SLC18A2: variants seen among roughly 807,000 people sequenced by gnomAD.
The protein encoded by SLC18A2 is solute carrier family 18 member A2, also known as synaptic vesicular amine transporter.
In SLC18A2, 33 loss-of-function variants were observed where a neutral mutation model predicts 59.2. That is an observed-to-expected ratio of 0.56 (90% confidence interval 0.42 to 0.75). The LOEUF (loss-of-function observed/expected upper bound fraction) is 0.75. SLC18A2 is among the 30% of genes least tolerant of loss of function. SLC18A2 has a pLI of 0.00. For missense variants in SLC18A2, 569 were observed against 668.6 expected, an observed-to-expected ratio of 0.85 and a Z score of 1.64; for synonymous variants, 228 against 253.5, an observed-to-expected ratio of 0.90 and a Z score of 0.95.
intron 6 of SLC18A2, 134 bp downstream of exon 6, chr10:117,254,631 G>A (rs1844205298): frequency 4.0e-6 from 2 of 499,632 alleles, no homozygotes; most frequent in Non-Finnish European, 6.8e-6. Flanking sequence ...TTCCTTTCCT[G>A]CTTTCATGGA....
intron 2 of SLC18A2, among the ~76,000 whole-genome samples, chr10:117,243,206 A>C (rs1381783461): frequency 6.6e-6 from 1 of 152,222 alleles, no homozygotes; most frequent in Non-Finnish European, 1.5e-5. Context: ...AATGAAGTGT[A>C]GTTTTCTGTT....
At chr10:117,274,556 GC>G (rs1464474463) in intron 15 of SLC18A2, among the ~76,000 whole-genome samples, 1 of 152,122 alleles carries the variant, frequency 6.6e-6, no homozygotes, top group African/African-American at 2.4e-5. Flanking sequence ...AAGGATCGAG[GC>G]CCCATGCCCT....
intron 14 of SLC18A2, 61 bp from the exon 15 acceptor site, chr10:117,270,269 T>C (rs1383037364): frequency 3.2e-5 from 52 of 1,612,906 alleles, no homozygotes; most frequent in Admixed American, 1.0e-4. Flanking sequence ...TTTAAATCTT[T>C]GCATCTTTCA....
chr10:117,270,373 A>G lies in SLC18A2; in HGVS notation c.1350A>G (p.Pro450=), dbSNP rs1348513176. The G allele has an allele frequency of 1.3e-5, 21 of 1,614,088 alleles. No individual in the cohort carries two copies. The highest frequency in any genetic ancestry group is 1.7e-5 in the Non-Finnish European group (20 of 1,180,038). Residue 450 remains proline, a synonymous_variant, in exon 15 of 16, where the codon CCA becomes CCG. Transcript: ENST00000644641. ...GGAIAKAIGF[P]WLMTIIGIID... ...CTATTGCAAAGGCAATTGGATTTCC[A>G]TGGCTCATGACAATTATTGGGATAA...
chr10:117,243,910 C>T, intron 2 of SLC18A2, 61 bp from the exon 3 acceptor site: 8 of 1,408,610 alleles, frequency 5.7e-6, no homozygotes, highest in South Asian at 4.1e-5. Flanking sequence ...TTTTTGCTGG[C>T]TTTTTTCCTG....
At chr10:117,248,271 G>T (rs974699706) in intron 3 of SLC18A2, among the ~76,000 whole-genome samples, 1 of 151,936 alleles carries the variant, frequency 6.6e-6, no homozygotes, top group African/African-American at 2.4e-5. Flanking sequence ...GGCCCTGTCT[G>T]TTTTTTTTAA....
chr10:117,277,365 C>A lies in SLC18A2; in HGVS notation c.*99C>A. On this transcript the variant is annotated 3_prime_UTR_variant, in exon 16 of 16. Transcript: ENST00000644641. ...ACTGTCTTAGTCATACCATCCATCC[C>A]TGGTGAAAGAGTAAAACCAAAGGTT... is the stretch of plus-strand genomic sequence containing the variant. 1 of 644,402 alleles carries A rather than the reference C, an allele frequency of 1.6e-6. No individual in the cohort carries two copies. Among genetic ancestry groups the A allele is most frequent in the Non-Finnish European group, 2.6e-6 (1 of 390,232 alleles). 39.9% of individuals were successfully genotyped at this position (644,402 alleles called of 1,614,324 possible). A position where few individuals can be genotyped will look rare whatever the true frequency, so the allele number is the denominator to read the frequency against.
chr10:117,268,989 TACACACAA>T (rs78513088), intron 13 of SLC18A2, among the ~76,000 whole-genome samples: 115,596 of 150,752 alleles, frequency 0.77, 44,873 homozygotes, highest in Non-Finnish European at 0.85. Context: ...CACACATTCA[TACACACAA>T]ACACACATAC....
At chr10:117,256,315 C>G (rs1844229475) in intron 9 of SLC18A2, among the ~76,000 whole-genome samples, 1 of 152,184 alleles carries the variant, frequency 6.6e-6, no homozygotes, top group Non-Finnish European at 1.5e-5. Flanking sequence ...CCTGCTTTGC[C>G]AGGCCCCGGG....
chr10:117,246,952 C>T (rs1039447922), intron 3 of SLC18A2, among the ~76,000 whole-genome samples: 1 of 152,172 alleles, frequency 6.6e-6, no homozygotes, highest in African/African-American at 2.4e-5. Flanking sequence ...CCGCCCTCAG[C>T]GAGCAAATAA....
chr10:117,267,136 AT>A (rs1844358247), intron 12 of SLC18A2, 101 bp downstream of exon 12: 1 of 875,752 alleles, frequency 1.1e-6, no homozygotes, highest in Non-Finnish European at 1.8e-6. Flanking sequence ...GAGTTTGTTG[AT>A]GTTTTATTAC....
At chr10:117,275,165 A>T (rs949324410) in intron 15 of SLC18A2, among the ~76,000 whole-genome samples, 1 of 152,208 alleles carries the variant, frequency 6.6e-6, no homozygotes, top group African/African-American at 2.4e-5. Context: ...TATTTTAAAA[A>T]TTGAGCTCTT....
Position 117,257,884 on chromosome 10 carries a change from G to A in SLC18A2, c.983G>A (p.Trp328Ter). Residue 328 changes from tryptophan (W) to a stop codon, truncating the protein, a stop_gained, in exon 10 of 16, where the codon TGG becomes TAG. Transcript: ENST00000644641. LOFTEE classifies it high-confidence loss of function. ...WMMETMCSRK[W>*]QLGVAFLPAS... The stretch of plus-strand genomic sequence containing the variant: ...ATGGAGACCATGTGTTCCCGAAAGT[G>A]GCAGCTGGGTAAGGACTGGGGTGGG... The A allele has an allele frequency of 6.2e-7, 1 of 1,610,422 alleles. No homozygotes were observed. Among genetic ancestry groups the A allele is most frequent in the Non-Finnish European group, 8.5e-7 (1 of 1,178,032 alleles).
In SLC18A2 at chr10:117,241,742, C is replaced by A. The variant is rs148348449; in HGVS notation, c.49C>A (p.Arg17Ser). 1.2e-6 allele frequency: 2 copies of A among 1,609,854 alleles called. No individual in the cohort carries two copies. The highest frequency in any genetic ancestry group is 2.2e-5 in the East Asian group (1 of 44,596). Residue 17 changes from arginine to serine, a missense_variant, in exon 2 of 16, where the codon CGC (arginine) becomes AGC (serine). Arg to Ser is a moderately radical substitution (Grantham distance 110). Transcript: ENST00000644641. ...ALVRWLQESR[R>S]SRKLILFIVF... ...GGTCCGCTGGCTGCAGGAGAGCCGC[C>A]GCTCGCGGAAGCTCATCCTGTTCAT...
intron 9 of SLC18A2, among the ~76,000 whole-genome samples, chr10:117,255,960 G>A (rs1844224842): frequency 1.3e-5 from 2 of 152,186 alleles, no homozygotes; most frequent in Non-Finnish European, 2.9e-5. Context: ...AGCTAAGCTT[G>A]CCCACTGTGT....
rs1330050773 is a variant in SLC18A2, at chr10:117,270,306, A to G, written c.1307-24A>G. On this transcript the variant is annotated intron_variant, in intron 14 of 15. Transcript: ENST00000644641. ...TCTACAAGACATTTGGAAGAGCTTT[A>G]TCTAATTCTCTGTTTCCTGAAAGGT... The G allele has an allele frequency of 4.3e-6, 7 of 1,613,928 alleles. No homozygotes were observed. In the South Asian group the frequency reaches 5.5e-5, roughly 13 times the overall value.
intron 3 of SLC18A2, among the ~76,000 whole-genome samples, chr10:117,250,174 T>A (rs556400064): frequency 6.6e-6 from 1 of 152,202 alleles, no homozygotes; most frequent in Non-Finnish European, 1.5e-5. Flanking sequence ...CCAGGGAGTC[T>A]TCTTTGCCTT....
rs368504674 is a variant in SLC18A2, at chr10:117,255,612, C to A, written c.850C>A (p.Pro284Thr). The A allele has an allele frequency of 6.2e-7, 1 of 1,614,008 alleles. No homozygotes were observed. The highest frequency in any genetic ancestry group is 8.5e-7 in the Non-Finnish European group (1 of 1,179,996). The change falls in exon 9 of 16, where the codon CCC becomes ACC. Residue 284 changes from proline to threonine, a missense_variant. Physicochemically the swap from Pro to Thr is conservative, Grantham distance 38 (BLOSUM62 -1). Transcript: ENST00000644641. ...TTCTTGACAGAGTCAGAAGGGGACA[C>A]CCCTAACCACGCTGCTGAAGGACCC... ...RVQPESQKGT[P>T]LTTLLKDPYI...
In SLC18A2 at chr10:117,241,495, T is replaced by C. The variant is rs972517105; in HGVS notation, c.-15-184T>C. On this transcript the variant is annotated intron_variant, in intron 1 of 15. Coordinates refer to ENST00000644641, the MANE Select transcript of SLC18A2 (RefSeq NM_003054.6). ...TCCCCGACGGCGCTCGCGGGCGCTC[T>C]TTCCAGGGAGCGCGGGCTCTCGTGG... Among the ~76,000 whole-genome samples the C allele has an allele frequency of 3.5e-3, 538 of 151,732 alleles. 8 individuals are homozygous for C. The highest frequency in any genetic ancestry group is 5.5e-4 in the Non-Finnish European group (37 of 67,854).
Sources: gnomAD v4.1 joint callset for allele counts (sites outside exome capture counted in the v4.1 genomes callset) on GRCh38, gnomAD v4.1.1 for gene constraint, MANE v1.5 for transcripts, NCBI Gene and HGNC (gene_info 2026-07-23, HGNC 2026-07-21) for gene names.